Variants in OPHN1 observed in about 807,000 individuals in gnomAD.
OPHN1 encodes oligophrenin-1.
In OPHN1, 11 loss-of-function variants were observed where a neutral mutation model predicts 60.7. The observed-to-expected ratio is 0.18, with a 90% CI of 0.11 to 0.30. The LOEUF (loss-of-function observed/expected upper bound fraction) is 0.30. OPHN1 is among the 10% of genes least tolerant of loss of function. OPHN1 has a pLI of 1.00. For missense variants in OPHN1, 449 were observed against 611.0 expected (o/e 0.73, Z 2.80); for synonymous variants, 226 against 222.6 (o/e 1.02, Z -0.14).
At chrX:68,392,359 G>A (rs930903210) in intron 2 of OPHN1, among the ~76,000 whole-genome samples, 4 of 111,290 alleles carry the variant, frequency 3.6e-5, no homozygotes, top group African/African-American at 1.3e-4. Context: ...TAAGCCTTCC[G>A]GTCAATGGTA....
intron 5 of OPHN1, among the ~76,000 whole-genome samples, chrX:68,254,363 T>C (rs1367303118): frequency 9.0e-6 from 1 of 111,487 alleles, no homozygotes; most frequent in South Asian, 3.8e-4. Flanking sequence ...TATAGATAGA[T>C]AACCAGTATT....
chrX:68,053,561 A>T, intron 22 of OPHN1, 84 bp downstream of exon 22: 1 of 994,739 alleles, frequency 1.0e-6, no homozygotes, highest in Non-Finnish European at 1.4e-6. Context: ...TGTGCACTGT[A>T]TACCCTTAAT....
intron 3 of OPHN1, among the ~76,000 whole-genome samples, chrX:68,284,097 A>C (rs2078030312): frequency 8.9e-6 from 1 of 111,923 alleles, no homozygotes; most frequent in Non-Finnish European, 1.9e-5. Context: ...CTTTATGCTA[A>C]GAAAAGAGTC....
chrX:68,428,048 C>T (rs940866767), intron 2 of OPHN1, among the ~76,000 whole-genome samples: 1 of 110,929 alleles, frequency 9.0e-6, no homozygotes, highest in African/African-American at 3.3e-5. Flanking sequence ...GTTGCCTATA[C>T]CCCAGATGAC....
At chrX:68,241,323 C>G (rs2077779175) in intron 5 of OPHN1, among the ~76,000 whole-genome samples, 1 of 111,947 alleles carries the variant, frequency 8.9e-6, no homozygotes, top group African/African-American at 3.2e-5. Flanking sequence ...AATTGCTGTT[C>G]TATCTGCTTC....
At chrX:68,257,922 G>A (rs935817804) in intron 5 of OPHN1, among the ~76,000 whole-genome samples, 22 of 110,425 alleles carry the variant, frequency 2.0e-4, no homozygotes, top group South Asian at 3.9e-4. Flanking sequence ...ATTAGGAACC[G>A]AGTTACAAGC....
chrX:68,398,429 A>G (rs894351490), intron 2 of OPHN1, among the ~76,000 whole-genome samples: 3 of 112,216 alleles, frequency 2.7e-5, no homozygotes, highest in African/African-American at 9.7e-5. Flanking sequence ...AACCCACGAA[A>G]TGTTCTCCAA....
chrX:68,256,371 T>C (rs992621868), intron 5 of OPHN1, among the ~76,000 whole-genome samples: 4 of 111,640 alleles, frequency 3.6e-5, no homozygotes, highest in African/African-American at 1.3e-4. Context: ...GCAGCTCGAC[T>C]TTACAGGCTG....
intron 2 of OPHN1, among the ~76,000 whole-genome samples, chrX:68,421,670 T>C (rs1472678509): frequency 9.0e-6 from 1 of 110,782 alleles, no homozygotes; most frequent in South Asian, 3.9e-4. Flanking sequence ...CTGGAAAGAG[T>C]TGGAAGTTGA....
chrX:68,102,966 A>T (rs1376523322), intron 18 of OPHN1, among the ~76,000 whole-genome samples: 1 of 111,972 alleles, frequency 8.9e-6, no homozygotes, highest in Non-Finnish European at 1.9e-5. Flanking sequence ...AGCTGCTACC[A>T]TTCCTTCCAA....
intron 5 of OPHN1, among the ~76,000 whole-genome samples, chrX:68,252,077 A>T (rs138130696): frequency 0.033 from 3,665 of 111,441 alleles, 55 homozygotes; most frequent in Middle Eastern, 0.056. Context: ...CTTACCCACC[A>T]TGCACTTCTG....
In OPHN1 at chrX:68,284,374, G is replaced by T. The variant is rs113969769; in HGVS notation, c.251-1257C>A. 5.6e-3 allele frequency among the ~76,000 whole-genome samples: 617 copies of T among 110,020 alleles called. 7 individuals carry two copies. Among genetic ancestry groups the T allele is most frequent in the African/African-American group, 0.019 (586 of 30,233 alleles). ...TTTGATCCCCAATGTTGGAGGTGAG[G>T]TGTGACACACTGACTCCCTTTCTTC... is the stretch of plus-strand genomic sequence containing the variant. On this transcript the variant is annotated intron_variant, in intron 3 of 24. Transcript: ENST00000355520.
intron 2 of OPHN1, among the ~76,000 whole-genome samples, chrX:68,366,553 T>C (rs1340091155): frequency 9.0e-6 from 1 of 110,816 alleles, no homozygotes; most frequent in Non-Finnish European, 1.9e-5. Flanking sequence ...AGGGTGTCAC[T>C]ATGTTGGCCA....
chrX:68,229,149 A>T (rs1450962513), intron 6 of OPHN1, among the ~76,000 whole-genome samples: 1 of 111,182 alleles, frequency 9.0e-6, no homozygotes, highest in African/African-American at 3.3e-5. Flanking sequence ...TCATGAGTGA[A>T]CTCCCATTCA....
intron 15 of OPHN1, among the ~76,000 whole-genome samples, chrX:68,166,103 CAAGAAAACATATTGGT>C (rs1373058637): frequency 8.9e-6 from 1 of 112,248 alleles, no homozygotes; most frequent in Non-Finnish European, 1.9e-5. Flanking sequence ...TAAATTTTTA[CAAGAAAACATATTGGT>C]AAAAATCTTT....
intron 2 of OPHN1, among the ~76,000 whole-genome samples, chrX:68,362,474 T>A (rs2078477944): frequency 8.9e-6 from 1 of 112,138 alleles, no homozygotes; most frequent in Non-Finnish European, 1.9e-5. Flanking sequence ...AATAACAATG[T>A]CTTGTATACA....
At chrX:68,246,656 A>T (rs2077807435) in intron 5 of OPHN1, among the ~76,000 whole-genome samples, 1 of 111,726 alleles carries the variant, frequency 9.0e-6, no homozygotes, top group Admixed American at 9.6e-5. Context: ...CCTAGGGCCT[A>T]GCATTGAAAT....
intron 15 of OPHN1, among the ~76,000 whole-genome samples, chrX:68,189,776 T>C (rs903576399): frequency 4.5e-5 from 5 of 111,960 alleles, no homozygotes; most frequent in Non-Finnish European, 9.4e-5. Context: ...GTATTGCCTT[T>C]GACTTTATAC....
chrX:68,347,697 T>C (rs2078385718), intron 2 of OPHN1, among the ~76,000 whole-genome samples: 2 of 111,733 alleles, frequency 1.8e-5, no homozygotes, highest in Non-Finnish European at 3.8e-5. Context: ...CTGGCTCTCA[T>C]GGCCTAAACT....
Sources: allele counts gnomAD v4.1 joint callset (sites outside exome capture counted in the v4.1 genomes callset), GRCh38; gene constraint gnomAD v4.1.1; transcripts MANE v1.5; gene names NCBI Gene and HGNC (gene_info 2026-07-23, HGNC 2026-07-21).